The following BMAL1 variants were observed in gnomAD, a reference collection of about 807,000 sequenced individuals.
BMAL1 encodes the protein basic helix-loop-helix ARNT-like protein 1.
the BMAL1 span, among the ~76,000 whole-genome samples, chr11:13,295,358 G>C: frequency 2.0e-5 from 3 of 152,166 alleles, no homozygotes; most frequent in Non-Finnish European, 4.4e-5. Context: ...ACGATTAGCA[G>C]GGGAATCAAT....
chr11:13,328,961 T>C, the BMAL1 span, among the ~76,000 whole-genome samples: 1 of 152,202 alleles, frequency 6.6e-6, no homozygotes, highest in Non-Finnish European at 1.5e-5. Context: ...AGGAGATTGG[T>C]ATAAATAATG....
chr11:13,357,936 G>A, the BMAL1 span, among the ~76,000 whole-genome samples: 1 of 152,140 alleles, frequency 6.6e-6, no homozygotes, highest in Non-Finnish European at 1.5e-5. The surrounding 1 kb of genome is among the most constrained non-coding windows in gnomAD (Gnocchi z 4.8). Flanking sequence ...CAAGGATGAC[G>A]GCGTTGGTTA....
the BMAL1 span, among the ~76,000 whole-genome samples, chr11:13,345,339 T>C: frequency 6.6e-6 from 1 of 152,216 alleles, no homozygotes; most frequent in Non-Finnish European, 1.5e-5. Flanking sequence ...ATAGCTCTCC[T>C]TGCTCAGGCC....
chr11:13,364,733 C>T, the BMAL1 span, among the ~76,000 whole-genome samples: 2 of 152,166 alleles, frequency 1.3e-5, no homozygotes, highest in Non-Finnish European at 2.9e-5. Context: ...CAAATGTTGT[C>T]CTATCTTAAT....
the BMAL1 span, chr11:13,379,628 T>C: frequency 6.6e-6 from 1 of 152,146 alleles, no homozygotes; most frequent in Non-Finnish European, 1.5e-5. Context: ...TTCTTTATGA[T>C]AACAGGAAAA....
chr11:13,286,289 A>G, the BMAL1 span, among the ~76,000 whole-genome samples: 2 of 152,176 alleles, frequency 1.3e-5, no homozygotes, highest in Admixed American at 1.3e-4. Context: ...TCAGTCTGTT[A>G]AAGTTTTATA....
At chr11:13,371,244 C>T in the BMAL1 span, among the ~76,000 whole-genome samples, 1 of 152,132 alleles carries the variant, frequency 6.6e-6, no homozygotes, top group East Asian at 1.9e-4. Flanking sequence ...TGTCCCAAAT[C>T]GAACTATCTT....
chr11:13,369,530 C>A, the BMAL1 span: 2 of 1,489,080 alleles, frequency 1.3e-6, no homozygotes, highest in East Asian at 2.3e-5. Context: ...GTGAGGCAGG[C>A]AAGAAAAGGC....
chr11:13,337,401 AT>A, the BMAL1 span, among the ~76,000 whole-genome samples: 1 of 152,164 alleles, frequency 6.6e-6, no homozygotes, highest in African/African-American at 2.4e-5. Flanking sequence ...TTAAATGAAA[AT>A]TTATTAAATG....
chr11:13,325,881 G>A, the BMAL1 span, among the ~76,000 whole-genome samples: 1 of 151,484 alleles, frequency 6.6e-6, no homozygotes, highest in Non-Finnish European at 1.5e-5. Context: ...TTTCATACTA[G>A]TCAAGTGCAG....
the BMAL1 span, among the ~76,000 whole-genome samples, chr11:13,316,343 T>G: frequency 6.6e-6 from 1 of 152,310 alleles, no homozygotes; most frequent in African/African-American, 2.4e-5. Flanking sequence ...GGATGTGTGC[T>G]TTTTTCATGC....
the BMAL1 span, among the ~76,000 whole-genome samples, chr11:13,287,103 C>A: frequency 1.2e-4 from 19 of 152,176 alleles, no homozygotes; most frequent in Non-Finnish European, 5.9e-5. Flanking sequence ...TCCCTTCCCA[C>A]CTCTGAGTTT....
At chr11:13,345,636 G>T in the BMAL1 span, among the ~76,000 whole-genome samples, 1 of 152,178 alleles carries the variant, frequency 6.6e-6, no homozygotes, top group Non-Finnish European at 1.5e-5. Flanking sequence ...AGAAGCACCA[G>T]CAGTAAAGCT....
At chr11:13,321,776 A>G in the BMAL1 span, among the ~76,000 whole-genome samples, 2 of 152,142 alleles carry the variant, frequency 1.3e-5, no homozygotes, top group African/African-American at 4.8e-5. Context: ...CAGGTAGATT[A>G]GATTGTTAAC....
At chr11:13,333,301 G>C in the BMAL1 span, among the ~76,000 whole-genome samples, 1 of 152,162 alleles carries the variant, frequency 6.6e-6, no homozygotes, top group African/African-American at 2.4e-5. Flanking sequence ...GTAAGAAAAT[G>C]TTGATAGCTT....
the BMAL1 span, among the ~76,000 whole-genome samples, chr11:13,382,663 G>C: frequency 6.6e-6 from 1 of 152,162 alleles, no homozygotes; most frequent in Non-Finnish European, 1.5e-5. Flanking sequence ...CACTTGACTT[G>C]ACTCCTGGTA....
the BMAL1 span, among the ~76,000 whole-genome samples, chr11:13,299,156 C>T: frequency 1.3e-5 from 2 of 152,192 alleles, no homozygotes; most frequent in South Asian, 4.1e-4. Context: ...GAGAGCTTGG[C>T]AACCACTTAA....
chr11:13,349,784 G>T, the BMAL1 span, among the ~76,000 whole-genome samples: 1 of 152,176 alleles, frequency 6.6e-6, no homozygotes, highest in African/African-American at 2.4e-5. Flanking sequence ...GCAAGGGGTG[G>T]TGAGTGCCGG....
At chr11:13,359,056 T>C in the BMAL1 span, among the ~76,000 whole-genome samples, 2 of 152,258 alleles carry the variant, frequency 1.3e-5, no homozygotes, top group Admixed American at 6.5e-5. Flanking sequence ...GACATTTTGT[T>C]GTCAGGAATG....
Sources: allele counts gnomAD v4.1 joint callset (sites outside exome capture counted in the v4.1 genomes callset), GRCh38; gene constraint gnomAD v4.1.1; non-coding constraint Gnocchi (gnomAD v3.1); transcripts MANE v1.5; gene names NCBI Gene and HGNC (gene_info 2026-07-23, HGNC 2026-07-21).